The following DGKD variants were observed in gnomAD, a reference collection of about 807,000 sequenced individuals.
The protein encoded by DGKD is diacylglycerol kinase delta.
Under a neutral mutation model 154.4 loss-of-function variants are expected in DGKD, and 68 were observed. The observed-to-expected ratio is 0.44, with a 90% CI of 0.36 to 0.54. The LOEUF is 0.54. DGKD is among the 20% of genes least tolerant of loss of function. The pLI, the probability that DGKD is intolerant of heterozygous loss-of-function variation, is 0.00. For synonymous variants in DGKD, 693 were observed against 638.0 expected, an observed-to-expected ratio of 1.09 and a Z score of -1.30; for missense variants, 1,343 against 1,593.6, an observed-to-expected ratio of 0.84 and a Z score of 2.68.
chr2:233,363,822 A>G (rs896993782), intron 1 of DGKD, among the ~76,000 whole-genome samples: 5 of 152,232 alleles, frequency 3.3e-5, no homozygotes, highest in Non-Finnish European at 5.9e-5. Flanking sequence ...GATGTGCTCT[A>G]TGGGTTTGTA....
rs1335691002 is a variant in DGKD at position 233,459,944 on chromosome 2, C to T, written c.2829+53C>T. On this transcript the variant is annotated intron_variant, in intron 23 of 29. Coordinates refer to ENST00000264057, the MANE Select transcript of DGKD (RefSeq NM_152879.3). This position sits in a 1 kb window ranked among gnomAD's most constrained non-coding sequence, Gnocchi z 5.7. ...GTGGGGTACAGGGCTCACCTGTGGG[C>T]TCTTGTGTGCACTGTTAAGAGCTGG... The T allele has an allele frequency of 6.3e-7, 1 of 1,583,548 alleles. No individual in the cohort carries two copies. Among genetic ancestry groups the T allele is most frequent in the African/African-American group, 1.4e-5 (1 of 73,566 alleles).
chr2:233,421,087 C>G (rs1278127282), intron 3 of DGKD, among the ~76,000 whole-genome samples: 4 of 152,096 alleles, frequency 2.6e-5, no homozygotes, highest in African/African-American at 9.7e-5. Flanking sequence ...TTTTAACATA[C>G]CAAACTGAGG....
At chr2:233,461,386 C>T (rs927627232) in intron 24 of DGKD, among the ~76,000 whole-genome samples, 21 of 152,278 alleles carry the variant, frequency 1.4e-4, no homozygotes, top group African/African-American at 4.6e-4. Flanking sequence ...GCAGATGGAT[C>T]GTCTGTGCCA....
At chr2:233,468,180 C>A (rs183756167) in intron 28 of DGKD, among the ~76,000 whole-genome samples, 10 of 150,162 alleles carry the variant, frequency 6.7e-5, no homozygotes, top group Non-Finnish European at 1.5e-4. Context: ...TGATGGATAC[C>A]GGCTGCCAGA....
In DGKD at chr2:233,457,255, A is replaced by G; in HGVS notation, c.2507A>G (p.Gln836Arg). Residue 836 changes from glutamine (Q) to arginine (R), a missense_variant, in exon 21 of 30, where the codon CAG (glutamine) becomes CGG (arginine). Physicochemically the swap from Gln to Arg is conservative, Grantham distance 43. This residue lies in a region of DGKD where 60 missense variants were observed against 112.4 expected (regional missense o/e 0.53). Transcript: ENST00000264057. This position sits in a 1 kb window ranked among gnomAD's most constrained non-coding sequence, Gnocchi z 5.5. ...DGRPIPLPSL[Q>R]GIAVLNIPSY... ...CGACCCATCCCACTCCCCAGTCTTC[A>G]GGGAATTGCTGTCCTTAACATTCCC... is the stretch of plus-strand genomic sequence containing the variant. 1 of 1,522,366 alleles carries G rather than the reference A, an allele frequency of 6.6e-7. No homozygotes were observed. Among genetic ancestry groups the G allele is most frequent in the Non-Finnish European group, 8.8e-7 (1 of 1,136,128 alleles). 94.3% of individuals were successfully genotyped at this position (1,522,366 alleles called of 1,614,324 possible).
rs2063146843 is a variant in DGKD at position 233,448,159 on chromosome 2, T to C, written c.1492T>C (p.Ser498Pro). 1 of 1,614,168 alleles carries C rather than the reference T, an allele frequency of 6.2e-7. No individual in the cohort carries two copies. ...LSKILTSDQH[S>P]VVISSAKVLC... The stretch of plus-strand genomic sequence containing the variant: ...TAAAATCCTCACCTCGGACCAGCAC[T>C]CGGTGGTCATCTCCTCGGCCAAGTG... Residue 498 changes from serine (S) to proline (P), a missense_variant, in exon 13 of 30, where the codon TCG becomes CCG. Ser to Pro is a moderately conservative substitution (Grantham distance 74). Around this residue, in one of 6 missense-constraint regions of DGKD, gnomAD observed 409 missense variants for 446.0 expected, o/e 0.92. Coordinates refer to ENST00000264057, the MANE Select transcript of DGKD (RefSeq NM_152879.3).
In DGKD at chr2:233,439,684, C is replaced by T. The variant is rs144866233; in HGVS notation, c.1085+1305C>T. ...TCAAACCACCCTCCTGCCTTAGCCT[C>T]CTGAGTAGCTGGGACTACAGGTGTG... On this transcript the variant is annotated intron_variant, in intron 9 of 29. Coordinates refer to ENST00000264057, the MANE Select transcript of DGKD (RefSeq NM_152879.3). 4.8e-3 allele frequency among the ~76,000 whole-genome samples: 734 copies of T among 152,264 alleles called. 3 individuals carry two copies. The highest frequency in any genetic ancestry group is 0.024 in the Middle Eastern group (7 of 292).
intron 23 of DGKD, 80 bp from the exon 24 acceptor site, chr2:233,460,114 C>T (rs1028509061): frequency 3.5e-5 from 54 of 1,546,566 alleles, no homozygotes; most frequent in Non-Finnish European, 4.2e-5. Flanking sequence ...GTTGTGATCT[C>T]GTTGGCATCC....
At chr2:233,418,186 A>AC (rs1318754417) in intron 3 of DGKD, among the ~76,000 whole-genome samples, 2 of 152,152 alleles carry the variant, frequency 1.3e-5, no homozygotes, top group Non-Finnish European at 2.9e-5. Flanking sequence ...AGCTTACTTC[A>AC]CCAGCCCCCT....
At chr2:233,407,844 C>T (rs139724456) in intron 3 of DGKD, among the ~76,000 whole-genome samples, 1 of 152,286 alleles carries the variant, frequency 6.6e-6, no homozygotes, top group East Asian at 1.9e-4. Context: ...GCCTACCTAG[C>T]GTGAAACTGT....
chr2:233,412,270 CTTTA>C (rs1300191904), intron 3 of DGKD, among the ~76,000 whole-genome samples: 6 of 152,178 alleles, frequency 3.9e-5, no homozygotes, highest in Non-Finnish European at 8.8e-5. Flanking sequence ...ATCTCTCTCT[CTTTA>C]TTTAGGTGCT....
chr2:233,411,812 G>T (rs936282652), intron 3 of DGKD, among the ~76,000 whole-genome samples: 2 of 152,130 alleles, frequency 1.3e-5, no homozygotes, highest in African/African-American at 4.8e-5. Flanking sequence ...TATTATTGAT[G>T]TTCTTCCCCC....
At chr2:233,433,747 T>G (rs2062605067) in intron 3 of DGKD, among the ~76,000 whole-genome samples, 1 of 152,216 alleles carries the variant, frequency 6.6e-6, no homozygotes, top group Non-Finnish European at 1.5e-5. Context: ...TTGATGTATT[T>G]CTTTTGTGAA....
chr2:233,371,418 T>G (rs905726590), intron 1 of DGKD, among the ~76,000 whole-genome samples: 1 of 152,002 alleles, frequency 6.6e-6, no homozygotes, highest in African/African-American at 2.4e-5. Context: ...ATTGTAAGAG[T>G]TTTTTATATA....
chr2:233,438,289 A>G lies in DGKD; in HGVS notation c.995A>G (p.Asp332Gly). 1.9e-6 allele frequency: 3 copies of G among 1,614,196 alleles called. No individual in the cohort carries two copies. The highest frequency in any genetic ancestry group is 1.7e-5 in the Admixed American group (1 of 60,028). Residue 332 changes from aspartate to glycine, a missense_variant, in exon 9 of 30, where the codon GAC (aspartate) becomes GGC (glycine). By Grantham distance (94) the Asp-to-Gly change is moderately conservative. Transcript: ENST00000264057. This position sits in a 1 kb window ranked among gnomAD's most constrained non-coding sequence, Gnocchi z 4.1. ...GTCTTCGTCAATTCAAAAAGTGGGG[A>G]CAACCAGGGTGTGAAGTTCCTCAGA... The part of the protein sequence containing the change: ...LLVFVNSKSG[D>G]NQGVKFLRRF...
rs760282527 is a variant in DGKD at position 233,458,289 on chromosome 2, C to T, written c.2586C>T (p.Phe862=). The T allele has an allele frequency of 1.4e-5, 22 of 1,611,482 alleles. No individual in the cohort carries two copies. Among genetic ancestry groups the T allele is most frequent in the Non-Finnish European group, 1.4e-5 (17 of 1,178,620 alleles). ...FWGGTKEDDT[F]AAPSFDDKIL... ...CTCTAACGTGTCCCTTGCAGACTTT[C>T]GCAGCTCCATCATTCGATGACAAGA... is the stretch of plus-strand genomic sequence containing the variant. The change falls in exon 22 of 30, where the codon TTC becomes TTT. Residue 862 remains phenylalanine (F), a synonymous_variant. Transcript: ENST00000264057. The surrounding 1 kb of genome is among the most constrained non-coding windows in gnomAD (Gnocchi z 6.6).
chr2:233,385,360 T>C (rs1703117294), intron 1 of DGKD, among the ~76,000 whole-genome samples: 1 of 152,120 alleles, frequency 6.6e-6, no homozygotes, highest in African/African-American at 2.4e-5. Context: ...GCACTGGGAT[T>C]GGTGTCTTGC....
intron 1 of DGKD, among the ~76,000 whole-genome samples, chr2:233,368,788 G>C (rs1050276383): frequency 2.0e-5 from 3 of 152,088 alleles, no homozygotes; most frequent in Admixed American, 2.0e-4. Context: ...AAATTATCCT[G>C]ATTTTCCTGG....
At chr2:233,446,632 C>A in intron 11 of DGKD, 80 bp from the exon 12 acceptor site, 2 of 1,434,658 alleles carry the variant, frequency 1.4e-6, no homozygotes, top group African/African-American at 1.4e-5. Flanking sequence ...AGGCTGCCAG[C>A]CGTGAAAGCG....
Sources: gnomAD v4.1 joint callset for allele counts (sites outside exome capture counted in the v4.1 genomes callset) on GRCh38, gnomAD v4.1.1 for gene constraint, gnomAD v4.1.1 regional missense constraint, Gnocchi (gnomAD v3.1) non-coding constraint, MANE v1.5 for transcripts, NCBI Gene and HGNC (gene_info 2026-07-23, HGNC 2026-07-21) for gene names.